GABRB2: variants seen among roughly 807,000 people sequenced by gnomAD.
The protein encoded by GABRB2 is gamma-aminobutyric acid receptor subunit beta-2.
In GABRB2, 16 loss-of-function variants were observed where a neutral mutation model predicts 54.7. The observed-to-expected ratio is 0.29, with a 90% CI of 0.20 to 0.44. The LOEUF is 0.44. Ranked by LOEUF, GABRB2 falls within the 20% of genes least tolerant of loss-of-function variation. GABRB2 has a pLI of 1.00. For missense variants in GABRB2, 355 were observed against 644.0 expected (o/e 0.55, Z 4.86); for synonymous variants, 244 against 233.8 (o/e 1.04, Z -0.40).
At chr5:161,459,340 T>C in intron 4 of GABRB2, 1 of 418,690 alleles carries the variant, frequency 2.4e-6, no homozygotes, top group Non-Finnish European at 4.4e-6. Flanking sequence ...AAACCCTATG[T>C]CTCAGCTATT....
chr5:161,474,783 C>T (rs1758545983), intron 3 of GABRB2, among the ~76,000 whole-genome samples: 1 of 151,904 alleles, frequency 6.6e-6, no homozygotes, highest in Non-Finnish European at 1.5e-5. Context: ...TCTCTAACTA[C>T]ATTCAAAATA....
intron 2 of GABRB2, 22 bp from the exon 3 acceptor site, chr5:161,545,316 C>A: frequency 6.3e-7 from 1 of 1,576,444 alleles, no homozygotes; most frequent in Non-Finnish European, 8.6e-7. Flanking sequence ...GACGGCCAGC[C>A]ACGTGATTTC....
intron 3 of GABRB2, among the ~76,000 whole-genome samples, chr5:161,477,951 A>G (rs1024810953): frequency 1.8e-4 from 27 of 152,056 alleles, no homozygotes; most frequent in Admixed American, 1.8e-3. Context: ...TATTAGGGAC[A>G]TTCGTTAATT....
intron 5 of GABRB2, among the ~76,000 whole-genome samples, chr5:161,354,453 G>A (rs1213351937): frequency 1.3e-5 from 2 of 151,880 alleles, no homozygotes; most frequent in African/African-American, 2.4e-5. Flanking sequence ...TGACACAACC[G>A]CATCCCAAAA....
intron 4 of GABRB2, among the ~76,000 whole-genome samples, chr5:161,456,831 A>T (rs1757968059): frequency 6.6e-6 from 1 of 152,202 alleles, no homozygotes; most frequent in Non-Finnish European, 1.5e-5. Flanking sequence ...ACTTCTCACT[A>T]CATTGTCAGC....
intron 4 of GABRB2, among the ~76,000 whole-genome samples, chr5:161,430,157 A>G (rs1757135737): frequency 6.6e-6 from 1 of 152,044 alleles, no homozygotes; most frequent in Non-Finnish European, 1.5e-5. Context: ...TGAAACAGAG[A>G]GTTAGCTAGA....
intron 3 of GABRB2, among the ~76,000 whole-genome samples, chr5:161,523,344 A>G (rs190558666): frequency 6.6e-6 from 1 of 151,668 alleles, no homozygotes; most frequent in East Asian, 1.9e-4. Context: ...AACCAAATGC[A>G]TTTAATTCTA....
At chr5:161,339,316 C>T (rs1754084383) in intron 5 of GABRB2, among the ~76,000 whole-genome samples, 1 of 152,140 alleles carries the variant, frequency 6.6e-6, no homozygotes, top group Non-Finnish European at 1.5e-5. Context: ...AAAGTAGCAA[C>T]TGCCATTTAT....
At chr5:161,413,794 A>G (rs779725663) in intron 4 of GABRB2, among the ~76,000 whole-genome samples, 8 of 152,234 alleles carry the variant, frequency 5.3e-5, no homozygotes, top group Non-Finnish European at 1.0e-4. Context: ...GGACAAGGGC[A>G]TATATACAAT....
chr5:161,326,486 A>C lies in GABRB2; in HGVS notation c.1078-5T>G. 1 of 1,612,536 alleles carries C rather than the reference A, an allele frequency of 6.2e-7. No homozygotes were observed. Among genetic ancestry groups the C allele is most frequent in the Non-Finnish European group, 8.5e-7 (1 of 1,179,144 alleles). ...TTTAATATCTTTATAAAAAATCTGG[A>C]AGACAAAGTAGAGAATGTGCTAATT... On this transcript the variant is annotated splice_polypyrimidine_tract_variant and splice_region_variant and intron_variant, in intron 8 of 9. Coordinates refer to ENST00000393959, the MANE Select transcript of GABRB2 (RefSeq NM_001371727.1).
intron 3 of GABRB2, among the ~76,000 whole-genome samples, chr5:161,472,479 T>A (rs2113301014): frequency 6.6e-6 from 1 of 151,004 alleles, no homozygotes; most frequent in Non-Finnish European, 1.5e-5. Flanking sequence ...CACAGTCATA[T>A]ACTAGAACTA....
chr5:161,399,087 A>G (rs769463179), intron 5 of GABRB2, among the ~76,000 whole-genome samples: 2 of 152,146 alleles, frequency 1.3e-5, no homozygotes, highest in African/African-American at 4.8e-5. Context: ...GAATTCTACA[A>G]ATATAGTGTT....
chr5:161,474,152 A>G (rs1758527151), intron 3 of GABRB2, among the ~76,000 whole-genome samples: 1 of 151,958 alleles, frequency 6.6e-6, no homozygotes, highest in South Asian at 2.1e-4. Context: ...CTTATAATGT[A>G]TTTTTGGCGT....
At chr5:161,370,103 GA>G (rs1159767111) in intron 5 of GABRB2, among the ~76,000 whole-genome samples, 11 of 152,036 alleles carry the variant, frequency 7.2e-5, no homozygotes, top group Admixed American at 3.3e-4. Context: ...TTATGAAGAA[GA>G]AAAACACAAG....
chr5:161,540,203 C>CT (rs1292081768), intron 3 of GABRB2, among the ~76,000 whole-genome samples: 4 of 152,222 alleles, frequency 2.6e-5, no homozygotes, highest in East Asian at 3.9e-4. Context: ...GCTTTATCAA[C>CT]TGAGTTTATG....
intron 3 of GABRB2, among the ~76,000 whole-genome samples, chr5:161,478,902 C>T (rs1160207961): frequency 2.0e-5 from 3 of 152,026 alleles, no homozygotes; most frequent in Non-Finnish European, 2.9e-5. Flanking sequence ...TCATTTTGCT[C>T]AGCATGGGCT....
At chr5:161,345,651 A>G (rs1754301151) in intron 5 of GABRB2, among the ~76,000 whole-genome samples, 3 of 151,968 alleles carry the variant, frequency 2.0e-5, no homozygotes, top group Non-Finnish European at 4.4e-5. Flanking sequence ...CCAAGACACT[A>G]TCTTGGTTTC....
In GABRB2 at chr5:161,546,652, T is replaced by G. The variant is rs1760994872; in HGVS notation, c.-9A>C. 1 of 1,585,578 alleles carries G rather than the reference T, an allele frequency of 6.3e-7. No individual in the cohort carries two copies. The highest frequency in any genetic ancestry group is 1.3e-5 in the African/African-American group (1 of 74,620). The stretch of plus-strand genomic sequence containing the variant: ...TTCCGCACTCTCCACATCCCTTTAG[T>G]TTTTGATGGAATTGAGGGTTTCACT... On this transcript the variant is annotated 5_prime_UTR_variant, in exon 1 of 10. Transcript: ENST00000393959.
chr5:161,410,325 A>G (rs531706126), intron 5 of GABRB2, among the ~76,000 whole-genome samples: 21 of 152,084 alleles, frequency 1.4e-4, no homozygotes, highest in African/African-American at 4.8e-4. Context: ...TCAATGTGGA[A>G]GCTAAAATCA....
Sources: allele counts gnomAD v4.1 joint callset (sites outside exome capture counted in the v4.1 genomes callset), GRCh38; gene constraint gnomAD v4.1.1; transcripts MANE v1.5; gene names NCBI Gene and HGNC (gene_info 2026-07-23, HGNC 2026-07-21).